The following CTBP2 variants were observed in gnomAD, a reference collection of about 807,000 sequenced individuals.
CTBP2 encodes C-terminal-binding protein 2.
In CTBP2, 30 loss-of-function variants were observed where a neutral mutation model predicts 80.3. The ratio of observed to expected loss-of-function variants is 0.37; its 90% CI spans 0.28 to 0.51. The LOEUF is 0.51. Ranked by LOEUF, CTBP2 falls within the 20% of genes least tolerant of loss-of-function variation. The pLI, the probability that CTBP2 is intolerant of heterozygous loss-of-function variation, is 0.93. For missense variants in CTBP2, 1,212 were observed against 1,375.3 expected (o/e 0.88, Z 1.88); for synonymous variants, 594 against 587.4 (o/e 1.01, Z -0.16).
chr10:125,032,267 C>T (rs762579981), upstream of CTBP2, among the ~76,000 whole-genome samples: 8 of 152,300 alleles, frequency 5.3e-5, no homozygotes, highest in Middle Eastern at 6.8e-3. Flanking sequence ...ACAGTAGGTG[C>T]TCAATGAACA....
chr10:125,156,570 A>C (rs980445878), intron 1 of CTBP2, among the ~76,000 whole-genome samples: 2 of 152,182 alleles, frequency 1.3e-5, no homozygotes, highest in Non-Finnish European at 1.5e-5. Flanking sequence ...CAATCCGTGA[A>C]TCTCAAGGAT....
At chr10:125,120,833 T>C (rs767688549) in intron 1 of CTBP2, among the ~76,000 whole-genome samples, 14 of 152,220 alleles carry the variant, frequency 9.2e-5, no homozygotes, top group Non-Finnish European at 1.2e-4. Flanking sequence ...GCCCAGCTAA[T>C]TGCCCTGCCC....
At chr10:125,050,233 G>GTA (rs1176802013) in intron 2 of CTBP2, among the ~76,000 whole-genome samples, 3 of 152,172 alleles carry the variant, frequency 2.0e-5, no homozygotes, top group Admixed American at 6.5e-5. Flanking sequence ...TGGGGCACCG[G>GTA]TACCCTGTCT....
intron 2 of CTBP2, among the ~76,000 whole-genome samples, chr10:125,091,179 A>G (rs1217416616): frequency 6.6e-6 from 1 of 152,230 alleles, no homozygotes; most frequent in African/African-American, 2.4e-5. Context: ...AGTAAGAGGG[A>G]AAGAAAAGTA....
At chr10:125,013,657 G>C (rs914645410) in intron 1 of CTBP2, among the ~76,000 whole-genome samples, 2 of 152,190 alleles carry the variant, frequency 1.3e-5, no homozygotes, top group African/African-American at 2.4e-5. Flanking sequence ...CTGTGCCGTA[G>C]GCGCTGCTGT....
At chr10:125,139,366 G>C (rs927319339) in intron 1 of CTBP2, among the ~76,000 whole-genome samples, 1 of 91,726 alleles carries the variant, frequency 1.1e-5, no homozygotes, top group African/African-American at 4.5e-5. Context: ...GACAGAGCTA[G>C]ACTGTCTCAA....
chr10:125,011,493 A>G (rs550108901), intron 1 of CTBP2, among the ~76,000 whole-genome samples: 13 of 152,290 alleles, frequency 8.5e-5, no homozygotes, highest in African/African-American at 3.1e-4. Context: ...CAGGCCCCCA[A>G]AAGCTTTCTG....
intron 2 of CTBP2, among the ~76,000 whole-genome samples, chr10:125,056,235 C>G (rs1001281059): frequency 1.3e-5 from 2 of 151,924 alleles, no homozygotes; most frequent in African/African-American, 4.8e-5. Flanking sequence ...AAAGCAGCTA[C>G]CACTTCTAGA....
chr10:125,055,609 A>G (rs1963717622), intron 2 of CTBP2, among the ~76,000 whole-genome samples: 1 of 152,188 alleles, frequency 6.6e-6, no homozygotes. Flanking sequence ...CACCAGCCAG[A>G]TGCAAAACAC....
intron 2 of CTBP2, among the ~76,000 whole-genome samples, chr10:125,102,694 T>TA (rs930085920): frequency 2.4e-4 from 37 of 152,348 alleles, no homozygotes; most frequent in African/African-American, 7.2e-4. Context: ...AGGTTTTTTT[T>TA]AACAAATGTG....
At chr10:125,062,959 AACAG>A (rs1844042039) in intron 2 of CTBP2, among the ~76,000 whole-genome samples, 1 of 152,280 alleles carries the variant, frequency 6.6e-6, no homozygotes. Flanking sequence ...AGGCTGGCTG[AACAG>A]ACAACTATGC....
At chr10:125,033,582 C>T (rs1033197102) in intron 3 of CTBP2, among the ~76,000 whole-genome samples, 1 of 152,176 alleles carries the variant, frequency 6.6e-6, no homozygotes, top group Non-Finnish European at 1.5e-5. Flanking sequence ...GTGAAGCGCG[C>T]AGAAGGTTCT....
At chr10:125,030,348 G>A (rs552264418), upstream of CTBP2, among the ~76,000 whole-genome samples, 11 of 152,256 alleles carry the variant, frequency 7.2e-5, no homozygotes, top group East Asian at 9.7e-4. Flanking sequence ...TAGCTGTGTC[G>A]GGGAGAGAGG....
chr10:125,010,219 TAAAAAAAAAA>T (rs59517853), intron 1 of CTBP2, among the ~76,000 whole-genome samples: 4 of 105,988 alleles, frequency 3.8e-5, no homozygotes, highest in Non-Finnish European at 7.4e-5. Flanking sequence ...ATTTTAAGGT[TAAAAAAAAAA>T]AAAAAAAAAA....
At chr10:125,037,311 A>C (rs938858660) in intron 3 of CTBP2, among the ~76,000 whole-genome samples, 1 of 152,182 alleles carries the variant, frequency 6.6e-6, no homozygotes, top group African/African-American at 2.4e-5. Context: ...CTTCAATCCC[A>C]TTCTAGTTTC....
intron 2 of CTBP2, among the ~76,000 whole-genome samples, chr10:125,087,363 C>T (rs368807357): frequency 3.4e-4 from 52 of 152,222 alleles, no homozygotes; most frequent in Admixed American, 2.4e-3. Context: ...TGAGCCACCG[C>T]GCCCAGCCAA....
At position 125,156,605 on chromosome 10, in the gene CTBP2, T is replaced by C. The variant is rs547679379; in HGVS notation, c.-206+3714A>G. ...TTTCAAATAGTGTGAGCTGTTTGTA[T>C]TTTAACAGCAATGGTAACAATAAAA... On this transcript the variant is annotated intron_variant, in intron 1 of 10. Transcript: ENST00000337195. 8.5e-5 allele frequency among the ~76,000 whole-genome samples: 13 copies of C among 152,324 alleles called. No individual in the cohort carries two copies. In the South Asian group the frequency reaches 2.7e-3, roughly 32 times the overall value.
intron 1 of CTBP2, among the ~76,000 whole-genome samples, chr10:125,126,983 T>G (rs1373954778): frequency 2.0e-5 from 3 of 152,000 alleles, no homozygotes; most frequent in Non-Finnish European, 2.9e-5. Context: ...CTGCATCAAC[T>G]GTGAACAAGC....
At chr10:125,104,446 C>G (rs963579525) in intron 2 of CTBP2, among the ~76,000 whole-genome samples, 1 of 152,302 alleles carries the variant, frequency 6.6e-6, no homozygotes, top group East Asian at 1.9e-4. Context: ...AAACAGTATA[C>G]TGCTGAGAAA....
Sources: gnomAD v4.1 joint callset for allele counts (sites outside exome capture counted in the v4.1 genomes callset) on GRCh38, gnomAD v4.1.1 for gene constraint, MANE v1.5 for transcripts, NCBI Gene and HGNC (gene_info 2026-07-23, HGNC 2026-07-21) for gene names.